Variants in GLRA3 observed in about 807,000 individuals in gnomAD.
GLRA3 encodes the protein glycine receptor alpha 3, also known as glycine receptor subunit alpha-3.
In GLRA3, 44 loss-of-function variants were observed where a neutral mutation model predicts 60.4. The ratio of observed to expected loss-of-function variants is 0.73; its 90% CI spans 0.57 to 0.94. The LOEUF is 0.94. Ranked by LOEUF, GLRA3 falls within the 40% of genes least tolerant of loss-of-function variation. The pLI, the probability that GLRA3 is intolerant of heterozygous loss-of-function variation, is 0.00. For missense variants in GLRA3, 508 were observed against 564.6 expected (o/e 0.90, Z 1.02); for synonymous variants, 223 against 192.9 (o/e 1.16, Z -1.29).
At chr4:174,802,229 C>A (rs930279884) in intron 1 of GLRA3, among the ~76,000 whole-genome samples, 1 of 151,846 alleles carries the variant, frequency 6.6e-6, no homozygotes, top group Non-Finnish European at 1.5e-5. Context: ...GAAATTGGCC[C>A]AATTTTCCCA....
chr4:174,693,814 A>T lies in GLRA3; in HGVS notation c.575-10875T>A, dbSNP rs144347136. The stretch of plus-strand genomic sequence containing the variant: ...GTGGCAAGCTGGATTTAAAAAAAAG[A>T]CCTAATAGTATACTGTCCTCAAGAG... On this transcript the variant is annotated intron_variant, in intron 5 of 9. Transcript: ENST00000274093. 3.7e-3 allele frequency among the ~76,000 whole-genome samples: 563 copies of T among 152,278 alleles called. 1 individual carries two copies. Among genetic ancestry groups the T allele is most frequent in the African/African-American group, 0.012 (502 of 41,564 alleles).
At chr4:174,717,893 T>C (rs145792272) in intron 4 of GLRA3, among the ~76,000 whole-genome samples, 7 of 152,344 alleles carry the variant, frequency 4.6e-5, no homozygotes, top group African/African-American at 7.2e-5. Context: ...CAGTTTCAAA[T>C]GTTGACTTGC....
intron 2 of GLRA3, among the ~76,000 whole-genome samples, chr4:174,776,224 G>T (rs1421653383): frequency 6.6e-6 from 1 of 152,078 alleles, no homozygotes; most frequent in Non-Finnish European, 1.5e-5. Flanking sequence ...CCATCTGCAG[G>T]ACCCAAGAAT....
At chr4:174,826,376 T>G (rs952561) in intron 1 of GLRA3, among the ~76,000 whole-genome samples, 113,050 of 152,008 alleles carry the variant, frequency 0.74, 42,519 homozygotes, top group Non-Finnish European at 0.8. Flanking sequence ...ACTTATTATA[T>G]AAGTCAGGAG....
chr4:174,783,872 G>T (rs1398680440), intron 2 of GLRA3, among the ~76,000 whole-genome samples: 1 of 152,128 alleles, frequency 6.6e-6, no homozygotes, highest in Non-Finnish European at 1.5e-5. Flanking sequence ...ACTGTTGGTG[G>T]TACTGTAAAC....
chr4:174,738,437 C>G (rs1736884834), intron 3 of GLRA3, among the ~76,000 whole-genome samples: 2 of 152,100 alleles, frequency 1.3e-5, no homozygotes, highest in South Asian at 2.1e-4. Context: ...TGTAGGGTAT[C>G]ACAGGCAAAA....
At chr4:174,695,987 C>A (rs762548228) in intron 5 of GLRA3, among the ~76,000 whole-genome samples, 1 of 151,956 alleles carries the variant, frequency 6.6e-6, no homozygotes, top group Admixed American at 6.6e-5. Context: ...ATTCAATTTA[C>A]AATTGGCACA....
intron 1 of GLRA3, among the ~76,000 whole-genome samples, chr4:174,822,711 G>A (rs1740788307): frequency 1.3e-5 from 2 of 152,150 alleles, no homozygotes; most frequent in African/African-American, 2.4e-5. Flanking sequence ...TTCCTGATTG[G>A]TTATGGCAAA....
chr4:174,806,180 TA>T (rs1296632443), intron 1 of GLRA3, among the ~76,000 whole-genome samples: 56 of 152,266 alleles, frequency 3.7e-4, no homozygotes, highest in African/African-American at 1.3e-3. Flanking sequence ...TAATTAAGCT[TA>T]AAATTATAAA....
chr4:174,777,957 T>C (rs1430427408), intron 2 of GLRA3, among the ~76,000 whole-genome samples: 2 of 152,172 alleles, frequency 1.3e-5, no homozygotes, highest in African/African-American at 4.8e-5. Flanking sequence ...TTTTATTTTA[T>C]TTTATTTTGT....
intron 1 of GLRA3, among the ~76,000 whole-genome samples, chr4:174,795,627 T>C (rs1440517223): frequency 1.3e-5 from 2 of 152,216 alleles, no homozygotes; most frequent in East Asian, 3.8e-4. Flanking sequence ...TTATTTATTA[T>C]GTAAAAGTAT....
In GLRA3 at chr4:174,656,657, A is replaced by G. The variant is rs183471810; in HGVS notation, c.1116+86T>C. 241 of 705,174 alleles carry G rather than the reference A, an allele frequency of 3.4e-4. 1 individual carries two copies. Among genetic ancestry groups the G allele is most frequent in the African/African-American group, 2.9e-3 (163 of 57,068 alleles). The allele number at this position is 705,174 out of a possible 1,614,324, so 43.7% of individuals were successfully genotyped here. A position where few individuals can be genotyped will look rare whatever the true frequency, so the allele number is the denominator to read the frequency against. On this transcript the variant is annotated intron_variant, in intron 9 of 9. Coordinates refer to ENST00000274093, the MANE Select transcript of GLRA3 (RefSeq NM_006529.4). Reference sequence around the variant, plus strand: ...CAAAAGGGGCTGTGTTTCCCCACCAAACACTGCCTTGGTAGTGCAGAATAT... The same window carrying G: ...CAAAAGGGGCTGTGTTTCCCCACCAGACACTGCCTTGGTAGTGCAGAATAT...
At chr4:174,666,554 T>C (rs1471411129) in intron 7 of GLRA3, among the ~76,000 whole-genome samples, 4 of 151,876 alleles carry the variant, frequency 2.6e-5, no homozygotes, top group African/African-American at 9.7e-5. Flanking sequence ...GTACACAAGC[T>C]AGGTTATTGC....
intron 8 of GLRA3, among the ~76,000 whole-genome samples, chr4:174,657,641 G>A (rs1257195176): frequency 1.3e-5 from 2 of 151,982 alleles, no homozygotes; most frequent in Non-Finnish European, 2.9e-5. Flanking sequence ...AGATGAGAAA[G>A]TAGGCGGTGG....
At chr4:174,744,626 T>C (rs1220168396) in intron 3 of GLRA3, among the ~76,000 whole-genome samples, 10 of 152,156 alleles carry the variant, frequency 6.6e-5, no homozygotes, top group Non-Finnish European at 1.5e-4. Context: ...TTCTAACCAA[T>C]TGAAACCATT....
intron 3 of GLRA3, among the ~76,000 whole-genome samples, chr4:174,747,490 A>G (rs1052203132): frequency 6.6e-6 from 1 of 152,106 alleles, no homozygotes; most frequent in Non-Finnish European, 1.5e-5. Flanking sequence ...AAATGACAAG[A>G]TCTTATTTGA....
In GLRA3 at chr4:174,639,378, G is replaced by GTGTGTGTGTGTA. The variant is rs1398194529; in HGVS notation, c.*4407_*4408insTACACACACACA. On this transcript the variant is annotated 3_prime_UTR_variant, in exon 10 of 10. Transcript: ENST00000274093. Reference sequence around the variant, plus strand: ...TCTCATTACCAATATGTGTATGTGTGTGTGTGTGTGTGTGTGTGTGTGTGT... The same window carrying GTGTGTGTGTGTA: ...TCTCATTACCAATATGTGTATGTGTGTGTGTGTGTGTATGTGTGTGTGTGTGTGTGTGTGTGT... 7.9e-5 allele frequency: 2 copies of GTGTGTGTGTGTA among 25,274 alleles called. No individual in the cohort carries two copies. Among genetic ancestry groups the GTGTGTGTGTGTA allele is most frequent in the African/African-American group, 3.1e-4 (2 of 6,516 alleles). 1.6% of individuals were successfully genotyped at this position (25,274 alleles called of 1,614,324 possible).
intron 3 of GLRA3, among the ~76,000 whole-genome samples, chr4:174,735,112 C>T (rs1422204970): frequency 2.0e-5 from 3 of 152,078 alleles, no homozygotes; most frequent in Non-Finnish European, 4.4e-5. Context: ...TTGATGCTCA[C>T]TTAATATTTC....
intron 1 of GLRA3, among the ~76,000 whole-genome samples, chr4:174,799,370 G>A (rs1360150054): frequency 6.6e-6 from 1 of 152,190 alleles, no homozygotes; most frequent in East Asian, 1.9e-4. Flanking sequence ...AAAAACACCA[G>A]TGAAAAATGA....
Sources: gnomAD v4.1 joint callset for allele counts (sites outside exome capture counted in the v4.1 genomes callset) on GRCh38, gnomAD v4.1.1 for gene constraint, MANE v1.5 for transcripts, NCBI Gene and HGNC (gene_info 2026-07-23, HGNC 2026-07-21) for gene names.